Variants in DDX46 observed in about 807,000 individuals in gnomAD.
DDX46 encodes DEAD-box helicase 46.
Under a neutral mutation model 134.9 loss-of-function variants are expected in DDX46, and 30 were observed. The ratio of observed to expected loss-of-function variants is 0.22; its 90% CI spans 0.17 to 0.30. The LOEUF (loss-of-function observed/expected upper bound fraction) is 0.30, where lower values mean the gene tolerates loss of function less well. Among genes scored for constraint, DDX46 ranks in the 10% least tolerant of loss-of-function variants. The probability of loss-of-function intolerance (pLI) is 1.00; values close to 1 mark genes in which losing one functional copy is unlikely to be tolerated. For missense variants in DDX46, 622 were observed against 1,248.7 expected, an observed-to-expected ratio of 0.50 and a Z score of 7.56; for synonymous variants, 415 against 404.1, an observed-to-expected ratio of 1.03 and a Z score of -0.32.
chr5:134,794,283 G>A (rs1754588580), intron 13 of DDX46, among the ~76,000 whole-genome samples: 1 of 152,156 alleles, frequency 6.6e-6, no homozygotes, highest in South Asian at 2.1e-4. Flanking sequence ...CTGCTACTGT[G>A]CTACCAGCTG....
chr5:134,818,448 T>C (rs1054805785), intron 20 of DDX46, among the ~76,000 whole-genome samples: 5 of 148,810 alleles, frequency 3.4e-5, no homozygotes, highest in African/African-American at 9.8e-5. Context: ...ACGCCTGGAA[T>C]CCCAGCACTT....
At position 134,811,718 on chromosome 5, in the gene DDX46, G is replaced by T; in HGVS notation, c.2309G>T (p.Ser770Ile). The T allele has an allele frequency of 6.2e-7, 1 of 1,606,082 alleles. No individual in the cohort carries two copies. The highest frequency in any genetic ancestry group is 8.5e-7 in the Non-Finnish European group (1 of 1,178,140). The change falls in exon 18 of 23, where the codon AGT (serine) becomes ATT (isoleucine). Residue 770 changes from serine to isoleucine, a missense_variant. Ser to Ile is a moderately radical substitution (Grantham distance 142). Around this residue, in one of 8 missense-constraint regions of DDX46, gnomAD observed 209 missense variants for 508.4 expected, o/e 0.41. Transcript: ENST00000452510. ...QKAEGKIIKKSSGFSGKGFKF... is the reference protein window; with the variant it reads ...QKAEGKIIKKISGFSGKGFKF... ...AAGGAGGGGAAAATAATTAAAAAGA[G>T]TAGTGGGTTCTCTGGTAAGGGATTC...
At chr5:134,776,625 A>T (rs1387272638) in intron 5 of DDX46, among the ~76,000 whole-genome samples, 1 of 151,966 alleles carries the variant, frequency 6.6e-6, no homozygotes, top group Admixed American at 6.6e-5. Context: ...TGTAATTGAA[A>T]ATGTCATTTA....
chr5:134,762,597 G>T (rs972440878), intron 1 of DDX46, among the ~76,000 whole-genome samples: 2 of 151,568 alleles, frequency 1.3e-5, no homozygotes, highest in African/African-American at 4.9e-5. Flanking sequence ...GCTGGGCGTG[G>T]TAGTATAGGC....
chr5:134,790,584 T>A, intron 13 of DDX46, 32 bp downstream of exon 13: 2 of 1,564,198 alleles, frequency 1.3e-6, no homozygotes, highest in Non-Finnish European at 1.7e-6. Context: ...TGTTTTGAAA[T>A]GTAAATATAA....
In DDX46 at chr5:134,828,778, T is replaced by C. The variant is rs1182776449; in HGVS notation, c.*72T>C. The C allele has an allele frequency of 9.8e-6, 11 of 1,119,796 alleles. No homozygotes were observed. The highest frequency in any genetic ancestry group is 1.3e-5 in the Non-Finnish European group (11 of 831,068). 69.4% of individuals were successfully genotyped at this position (1,119,796 alleles called of 1,614,324 possible). Reference sequence around the variant, plus strand: ...GGCAGTTGCTGTCTGCAGTTTACAATGTATTGTAAATGAAGATTTTTTAAA... The same window carrying C: ...GGCAGTTGCTGTCTGCAGTTTACAACGTATTGTAAATGAAGATTTTTTAAA... On this transcript the variant is annotated 3_prime_UTR_variant, in exon 23 of 23. Coordinates refer to ENST00000452510, the MANE Select transcript of DDX46 (RefSeq NM_001300860.2).
intron 4 of DDX46, among the ~76,000 whole-genome samples, chr5:134,773,044 C>G (rs1284002239): frequency 1.3e-5 from 2 of 152,186 alleles, no homozygotes; most frequent in Non-Finnish European, 2.9e-5. Flanking sequence ...AAGGGATCCT[C>G]CAGCCTCAGC....
intron 21 of DDX46, among the ~76,000 whole-genome samples, chr5:134,822,112 C>T (rs988411005): frequency 6.6e-5 from 10 of 152,016 alleles, no homozygotes; most frequent in Admixed American, 5.9e-4. Flanking sequence ...CTCCTGACCT[C>T]AGGTGAACTG....
chr5:134,808,881 G>C (rs1201467699), intron 16 of DDX46, among the ~76,000 whole-genome samples: 1 of 152,108 alleles, frequency 6.6e-6, no homozygotes, highest in East Asian at 1.9e-4. Flanking sequence ...TACATTAATG[G>C]ATAACGTATT....
chr5:134,826,954 T>C lies in DDX46; in HGVS notation c.2985T>C (p.Asn995=). The C allele has an allele frequency of 1.2e-6, 2 of 1,613,234 alleles. No individual in the cohort carries two copies. Among genetic ancestry groups the C allele is most frequent in the Non-Finnish European group, 1.7e-6 (2 of 1,179,736 alleles). The change falls in exon 22 of 23, where the codon AAT becomes AAC. Residue 995 remains asparagine, a synonymous_variant. Transcript: ENST00000452510. Reference sequence around the variant, plus strand: ...TTTCCACTCAATCACTAGGTGCCAATGAACTGGCTGTGCAGAAAGCAAAGG... The same window carrying C: ...TTTCCACTCAATCACTAGGTGCCAACGAACTGGCTGTGCAGAAAGCAAAGG... ...RKIYLAIESA[N]ELAVQKAKAE...
At chr5:134,775,196 C>T (rs916364967) in intron 5 of DDX46, among the ~76,000 whole-genome samples, 6 of 152,114 alleles carry the variant, frequency 3.9e-5, no homozygotes, top group African/African-American at 7.2e-5. Context: ...TCAAGAGAGC[C>T]TGCTGCTTTG....
chr5:134,782,088 T>C lies in DDX46; in HGVS notation c.1045+2T>C. The C allele has an allele frequency of 6.3e-7, 1 of 1,580,718 alleles. No homozygotes were observed. Among genetic ancestry groups the C allele is most frequent in the Non-Finnish European group, 8.5e-7 (1 of 1,171,188 alleles). On this transcript the variant is annotated splice_donor_variant, in intron 8 of 22. Transcript: ENST00000452510. LOFTEE classifies it high-confidence loss of function. ...AACTAGCAAAAATGTCTCAAGAAGG[T>C]AAAATTCCATTTTTTCATTTACTGG...
intron 11 of DDX46, among the ~76,000 whole-genome samples, chr5:134,787,026 C>T (rs751810614): frequency 3.2e-4 from 48 of 151,974 alleles, no homozygotes; most frequent in Non-Finnish European, 2.8e-4. Context: ...GGGCTTAAGC[C>T]GTCCTCCCTC....
intron 5 of DDX46, among the ~76,000 whole-genome samples, chr5:134,775,701 C>T (rs577295304): frequency 1.3e-5 from 2 of 152,260 alleles, no homozygotes; most frequent in South Asian, 2.1e-4. Flanking sequence ...ACTATGTTGG[C>T]CAGGCTAGTC....
chr5:134,796,489 A>G (rs1400443730), intron 15 of DDX46, among the ~76,000 whole-genome samples: 3 of 152,358 alleles, frequency 2.0e-5, no homozygotes, highest in South Asian at 2.1e-4. Flanking sequence ...ATTTCAAAGT[A>G]ACGTTTTAAT....
At chr5:134,798,035 C>T (rs1406250231) in intron 15 of DDX46, among the ~76,000 whole-genome samples, 1 of 152,142 alleles carries the variant, frequency 6.6e-6, no homozygotes, top group Non-Finnish European at 1.5e-5. Context: ...TGGTCTCGAA[C>T]TGCCGACCTC....
At chr5:134,776,698 CA>C (rs1197016490) in intron 5 of DDX46, among the ~76,000 whole-genome samples, 1 of 151,970 alleles carries the variant, frequency 6.6e-6, no homozygotes, top group African/African-American at 2.4e-5. Context: ...GGGTGGATCA[CA>C]AGGTCAGGAG....
chr5:134,810,876 G>T (rs1411933859), intron 16 of DDX46, among the ~76,000 whole-genome samples: 1 of 151,778 alleles, frequency 6.6e-6, no homozygotes, highest in Non-Finnish European at 1.5e-5. Context: ...CATAGTGGCA[G>T]GCGCCTATAA....
intron 15 of DDX46, chr5:134,804,732 A>AT (rs953662013): frequency 1.4e-4 from 35 of 253,908 alleles, no homozygotes; most frequent in East Asian, 2.0e-4. Context: ...TGTCATTGCT[A>AT]TTTTTTTTAG....
Sources: gnomAD v4.1 joint callset for allele counts (sites outside exome capture counted in the v4.1 genomes callset) on GRCh38, gnomAD v4.1.1 for gene constraint, gnomAD v4.1.1 regional missense constraint, MANE v1.5 for transcripts, NCBI Gene and HGNC (gene_info 2026-07-23, HGNC 2026-07-21) for gene names.